The following SDK2 variants were observed in gnomAD, a reference collection of about 807,000 sequenced individuals.
SDK2 encodes the protein protein sidekick-2.
A neutral mutation model predicts 253.9 loss-of-function variants in SDK2; 105 were observed. The ratio of observed to expected loss-of-function variants is 0.41; its 90% CI spans 0.35 to 0.49. SDK2 has a LOEUF of 0.49. Among genes scored for constraint, SDK2 ranks in the 20% least tolerant of loss-of-function variants. The probability of loss-of-function intolerance (pLI) is 0.06; values close to 1 mark genes in which losing one functional copy is unlikely to be tolerated. For synonymous variants in SDK2, 1,249 were observed against 1,234.9 expected (o/e 1.01, Z -0.24); for missense variants, 2,608 against 3,003.0 (o/e 0.87, Z 3.07).
intron 1 of SDK2, among the ~76,000 whole-genome samples, chr17:73,546,121 G>A (rs1232849945): frequency 6.6e-6 from 1 of 152,236 alleles, no homozygotes; most frequent in African/African-American, 2.4e-5. Flanking sequence ...GGGGTGAGGA[G>A]AGGCAGAGAG....
intron 2 of SDK2, among the ~76,000 whole-genome samples, chr17:73,505,429 T>C (rs1382209024): frequency 6.6e-6 from 1 of 152,238 alleles, no homozygotes; most frequent in Admixed American, 6.5e-5. Flanking sequence ...ATGTCTGCCA[T>C]ATAAGAAATT....
At chr17:73,363,203 C>A (rs768398133) in intron 38 of SDK2, among the ~76,000 whole-genome samples, 12 of 152,194 alleles carry the variant, frequency 7.9e-5, no homozygotes, top group Non-Finnish European at 1.5e-4. Flanking sequence ...CCTGCCTCAG[C>A]CTCCCGAGTA....
intron 36 of SDK2, among the ~76,000 whole-genome samples, chr17:73,369,722 G>A (rs940383379): frequency 1.1e-4 from 17 of 152,098 alleles, no homozygotes; most frequent in East Asian, 5.8e-4. Flanking sequence ...GCTGTGGTGC[G>A]ATCTTGCTCC....
chr17:73,476,376 G>A (rs1037110785), intron 2 of SDK2, among the ~76,000 whole-genome samples: 11 of 152,122 alleles, frequency 7.2e-5, no homozygotes, highest in African/African-American at 9.7e-5. Context: ...AGAGATACCC[G>A]GGATGGGGAG....
intron 1 of SDK2, among the ~76,000 whole-genome samples, chr17:73,577,935 TGCAGAAGAGGACG>T (rs2145877402): frequency 6.6e-6 from 1 of 152,130 alleles, no homozygotes; most frequent in African/African-American, 2.4e-5. Flanking sequence ...GGTCCTGAAA[TGCAGAAGAGGACG>T]GCAGAAGGGG....
intron 8 of SDK2, among the ~76,000 whole-genome samples, 154 bp downstream of exon 8, chr17:73,437,585 G>T (rs1276363371): frequency 6.7e-6 from 1 of 150,294 alleles, no homozygotes; most frequent in Non-Finnish European, 1.5e-5. Flanking sequence ...TGGCCTGTTT[G>T]TTTCCTGGGG....
chr17:73,458,635 A>C (rs1387407360), intron 3 of SDK2, among the ~76,000 whole-genome samples: 1 of 152,146 alleles, frequency 6.6e-6, no homozygotes, highest in East Asian at 1.9e-4. Flanking sequence ...AATTTCCAAC[A>C]GTCTGTTGGG....
chr17:73,600,042 C>T (rs1349147045), intron 1 of SDK2, among the ~76,000 whole-genome samples: 1 of 152,260 alleles, frequency 6.6e-6, no homozygotes, highest in Non-Finnish European at 1.5e-5. Context: ...TTTTCTCAAA[C>T]AGTGGTTGCT....
intron 2 of SDK2, among the ~76,000 whole-genome samples, chr17:73,505,242 C>T (rs897107099): frequency 6.6e-6 from 1 of 152,174 alleles, no homozygotes; most frequent in African/African-American, 2.4e-5. Context: ...GTAACAAATT[C>T]CCACTCTGCT....
chr17:73,360,920 A>AGGTT (rs1215610696), intron 39 of SDK2, among the ~76,000 whole-genome samples: 1 of 149,426 alleles, frequency 6.7e-6, no homozygotes, highest in African/African-American at 2.5e-5. Flanking sequence ...TGGATGACAG[A>AGGTT]GCGAGACTCT....
chr17:73,403,018 C>A (rs1486096143), intron 18 of SDK2, among the ~76,000 whole-genome samples: 1 of 152,012 alleles, frequency 6.6e-6, no homozygotes, highest in Non-Finnish European at 1.5e-5. Flanking sequence ...AGGCTGGTCT[C>A]GAACTCCTGA....
chr17:73,520,769 A>C (rs1531861), intron 1 of SDK2: 64,324 of 152,296 alleles, frequency 0.42, 14,947 homozygotes, highest in African/African-American at 0.63. Context: ...GGGCTCCAGC[A>C]GCAGCTCCTT....
At chr17:73,401,809 A>G (rs1284685938) in intron 19 of SDK2, 57 bp from the exon 20 acceptor site, 4 of 1,484,844 alleles carry the variant, frequency 2.7e-6, no homozygotes, top group South Asian at 1.2e-5. Flanking sequence ...GAGAGAGACC[A>G]CCATCTGTGA....
intron 18 of SDK2, among the ~76,000 whole-genome samples, chr17:73,406,838 C>T (rs1022080278): frequency 2.6e-5 from 4 of 152,110 alleles, no homozygotes; most frequent in African/African-American, 7.2e-5. Flanking sequence ...CAATGCAGTG[C>T]GAAGTCCATC....
intron 1 of SDK2, among the ~76,000 whole-genome samples, chr17:73,619,562 T>C (rs1403005773): frequency 6.6e-6 from 1 of 152,178 alleles, no homozygotes; most frequent in African/African-American, 2.4e-5. Flanking sequence ...CCTGAACCCC[T>C]ACCTCACATC....
In SDK2 at chr17:73,383,766, G is replaced by A; in HGVS notation, c.4705+110C>T. The A allele has an allele frequency of 7.4e-7, 1 of 1,353,864 alleles. No homozygotes were observed. Among genetic ancestry groups the A allele is most frequent in the Non-Finnish European group, 1.0e-6 (1 of 970,916 alleles). The allele number at this position is 1,353,864 out of a possible 1,614,324, so 83.9% of individuals were successfully genotyped here. A position where few individuals can be genotyped will look rare whatever the true frequency, so the allele number is the denominator to read the frequency against. Reference sequence around the variant, plus strand: ...GGGAGAGGCACACATGGAGGAGGGAGGCAAGGTTTCAGGTTAGAGTGGTTC... The same window carrying A: ...GGGAGAGGCACACATGGAGGAGGGAAGCAAGGTTTCAGGTTAGAGTGGTTC... On this transcript the variant is annotated intron_variant, in intron 33 of 44. Transcript: ENST00000392650. The surrounding 1 kb of genome is among the most constrained non-coding windows in gnomAD (Gnocchi z 4.3).
chr17:73,340,904 T>C (rs2062431077), intron 44 of SDK2, among the ~76,000 whole-genome samples: 4 of 151,868 alleles, frequency 2.6e-5, no homozygotes, highest in African/African-American at 9.7e-5. Flanking sequence ...CCACCACATC[T>C]GGCTAATTTT....
At chr17:73,416,055 A>C in intron 16 of SDK2, 63 bp from the exon 17 acceptor site, 1 of 1,477,440 alleles carries the variant, frequency 6.8e-7, no homozygotes, top group Non-Finnish European at 9.2e-7. Flanking sequence ...GTACCCAGGA[A>C]ATTGTCCAGA....
At chr17:73,619,540 C>T (rs772939976) in intron 1 of SDK2, among the ~76,000 whole-genome samples, 1 of 152,078 alleles carries the variant, frequency 6.6e-6, no homozygotes, top group African/African-American at 2.4e-5. Context: ...TAACCACATG[C>T]AAAAGAATGA....
Sources: gnomAD v4.1 joint callset for allele counts (sites outside exome capture counted in the v4.1 genomes callset) on GRCh38, gnomAD v4.1.1 for gene constraint, Gnocchi (gnomAD v3.1) non-coding constraint, MANE v1.5 for transcripts, NCBI Gene and HGNC (gene_info 2026-07-23, HGNC 2026-07-21) for gene names.